SEMA6D: variants seen among roughly 807,000 people sequenced by gnomAD.
The protein encoded by SEMA6D is semaphorin-6D.
In SEMA6D, 35 loss-of-function variants were observed where a neutral mutation model predicts 106.6. The ratio of observed to expected loss-of-function variants is 0.33; its 90% confidence interval spans 0.25 to 0.44. The LOEUF is 0.44. Ranked by LOEUF, SEMA6D falls within the 20% of genes least tolerant of loss-of-function variation. The pLI, the probability that SEMA6D is intolerant of heterozygous loss-of-function variation, is 1.00. For synonymous variants in SEMA6D, 499 were observed against 487.7 expected (o/e 1.02, Z -0.31); for missense variants, 1,185 against 1,345.9 (o/e 0.88, Z 1.87).
At chr15:47,272,424 G>A (rs920399020) in intron 1 of SEMA6D, among the ~76,000 whole-genome samples, 1 of 152,116 alleles carries the variant, frequency 6.6e-6, no homozygotes, top group African/African-American at 2.4e-5. Flanking sequence ...AGAAGAGTGT[G>A]CTATATATAG....
chr15:47,759,363 T>C (rs1189724977), intron 1 of SEMA6D, among the ~76,000 whole-genome samples: 1 of 152,104 alleles, frequency 6.6e-6, no homozygotes, highest in Admixed American at 6.6e-5. Flanking sequence ...CTGTATTAGA[T>C]ATATTTCAGG....
At chr15:47,359,687 A>G (rs2038724733) in intron 1 of SEMA6D, 1 of 152,182 alleles carries the variant, frequency 6.6e-6, no homozygotes, top group Non-Finnish European at 1.5e-5. Flanking sequence ...AAAGTAGAAA[A>G]AAGAGAAAGC....
chr15:47,466,078 A>C lies in SEMA6D; in HGVS notation c.-158-4396A>C, dbSNP rs766002704. 1.5e-4 allele frequency among the ~76,000 whole-genome samples: 23 copies of C among 152,194 alleles called. 1 individual carries two copies. The highest frequency in any genetic ancestry group is 2.4e-4 in the Non-Finnish European group (16 of 68,042). On this transcript the variant is annotated intron_variant, in intron 2 of 19. Transcript: ENST00000558014. The stretch of plus-strand genomic sequence containing the variant: ...TATTCAAGGTATGCAAAATGATTTG[A>C]TGTACATATATATTGTGAAATAATT...
chr15:47,734,444 C>T (rs985228929), intron 1 of SEMA6D, among the ~76,000 whole-genome samples: 1 of 152,088 alleles, frequency 6.6e-6, no homozygotes, highest in Admixed American at 6.6e-5. Context: ...TAATTTTTTT[C>T]GAACAAGGAG....
chr15:47,605,963 G>T (rs76533328), intron 4 of SEMA6D, among the ~76,000 whole-genome samples: 6,891 of 152,162 alleles, frequency 0.045, 180 homozygotes, highest in South Asian at 0.088. Flanking sequence ...CCCTGGACCT[G>T]GAGGTTGAGG....
intron 3 of SEMA6D, among the ~76,000 whole-genome samples, chr15:47,488,391 T>C (rs2043360050): frequency 2.0e-5 from 3 of 152,152 alleles, no homozygotes; most frequent in Admixed American, 6.6e-5. Flanking sequence ...AGTTATGCTA[T>C]ACATGTGATT....
At chr15:47,520,343 A>G (rs969703524) in intron 3 of SEMA6D, among the ~76,000 whole-genome samples, 29 of 152,376 alleles carry the variant, frequency 1.9e-4, no homozygotes, top group Admixed American at 7.8e-4. Context: ...GCCCTGGGCC[A>G]GGGGCAGAGT....
At chr15:47,230,336 T>C (rs777385970) in intron 1 of SEMA6D, among the ~76,000 whole-genome samples, 31 of 152,098 alleles carry the variant, frequency 2.0e-4, no homozygotes, top group Non-Finnish European at 3.7e-4. Context: ...TACAAATACT[T>C]TTCATGAATG....
intron 1 of SEMA6D, among the ~76,000 whole-genome samples, chr15:47,230,132 T>TA (rs1351616954): frequency 6.6e-6 from 1 of 152,096 alleles, no homozygotes; most frequent in Non-Finnish European, 1.5e-5. Context: ...TGGCAAAGAA[T>TA]ATTTGAGGAT....
At chr15:47,347,059 C>T (rs367588323) in intron 1 of SEMA6D, among the ~76,000 whole-genome samples, 21 of 152,242 alleles carry the variant, frequency 1.4e-4, no homozygotes, top group African/African-American at 4.6e-4. Flanking sequence ...CAGGCACCCG[C>T]CATCATGTCT....
chr15:47,701,532 A>G (rs1566998386), intron 4 of SEMA6D, among the ~76,000 whole-genome samples: 1 of 152,204 alleles, frequency 6.6e-6, no homozygotes, highest in East Asian at 1.9e-4. Context: ...CCACCAAAAA[A>G]TGGTAATTAC....
chr15:47,316,033 T>A (rs1204029969), intron 1 of SEMA6D, among the ~76,000 whole-genome samples: 1 of 151,374 alleles, frequency 6.6e-6, no homozygotes, highest in Non-Finnish European at 1.5e-5. Context: ...TTTCTACATA[T>A]ATGATCATGG....
At chr15:47,358,715 T>C (rs1191562165) in intron 1 of SEMA6D, among the ~76,000 whole-genome samples, 2 of 152,206 alleles carry the variant, frequency 1.3e-5, no homozygotes, top group African/African-American at 2.4e-5. Context: ...CCAGTGTGCA[T>C]GGAGATCTGG....
At chr15:47,420,529 AT>A (rs1457460855) in intron 2 of SEMA6D, among the ~76,000 whole-genome samples, 1 of 151,858 alleles carries the variant, frequency 6.6e-6, no homozygotes, top group Non-Finnish European at 1.5e-5. Context: ...CCCATCTTCT[AT>A]TTTGTGCATT....
At chr15:47,270,467 T>G (rs964355399) in intron 1 of SEMA6D, among the ~76,000 whole-genome samples, 2 of 152,008 alleles carry the variant, frequency 1.3e-5, no homozygotes, top group Non-Finnish European at 1.5e-5. Flanking sequence ...TCTTTTTTTT[T>G]CCTATGGCAG....
intron 2 of SEMA6D, among the ~76,000 whole-genome samples, chr15:47,419,899 G>A (rs1392742933): frequency 6.6e-6 from 1 of 152,126 alleles, no homozygotes; most frequent in East Asian, 1.9e-4. Flanking sequence ...CTGGGCTGAT[G>A]TGGTGACTGA....
chr15:47,762,980 C>T (rs1474630036), intron 8 of SEMA6D, 36 bp from the exon 9 acceptor site: 1 of 1,517,824 alleles, frequency 6.6e-7, no homozygotes, highest in Non-Finnish European at 9.1e-7. Flanking sequence ...TTGAATTATC[C>T]TTTAGGAACC....
At chr15:47,607,158 A>T (rs1046109075) in intron 4 of SEMA6D, among the ~76,000 whole-genome samples, 5 of 152,238 alleles carry the variant, frequency 3.3e-5, no homozygotes, top group Non-Finnish European at 7.3e-5. Context: ...TATGTTTAGT[A>T]GATTTGTAGA....
Position 47,771,712 on chromosome 15 carries a change from C to T in SEMA6D, c.3149C>T (p.Pro1050Leu). The T allele has an allele frequency of 6.2e-7, 1 of 1,614,098 alleles. No individual in the cohort carries two copies. Among genetic ancestry groups the T allele is most frequent in the Non-Finnish European group, 8.5e-7 (1 of 1,179,972 alleles). ...CTAAAGAGGACGCCGTCCTTAAAAC[C>T]TGACGTGCCACCAAAGCCTTCCTTT... ...TGLKRTPSLKPDVPPKPSFVP... is the reference protein window; with the variant it reads ...TGLKRTPSLKLDVPPKPSFVP... Residue 1050 changes from proline (P) to leucine (L), a missense_variant, in exon 19 of 19, where the codon CCT becomes CTT. Physicochemically the swap from Pro to Leu is moderately conservative, Grantham distance 98 (BLOSUM62 -3). This residue lies in a region of SEMA6D where 750 missense variants were observed against 783.5 expected (regional missense o/e 0.96). Transcript: ENST00000536845.
Sources: allele counts gnomAD v4.1 joint callset (sites outside exome capture counted in the v4.1 genomes callset), GRCh38; gene constraint gnomAD v4.1.1; regional missense constraint gnomAD v4.1.1; transcripts MANE v1.5; gene names NCBI Gene and HGNC (gene_info 2026-07-23, HGNC 2026-07-21).